TAF1D: variants seen among roughly 807,000 people sequenced by gnomAD.
TAF1D encodes TATA-box binding protein associated factor, RNA polymerase I subunit D, also known as TATA box-binding protein-associated factor RNA polymerase I subunit D.
A neutral mutation model predicts 26.2 loss-of-function variants in TAF1D; 23 were observed. The ratio of observed to expected loss-of-function variants is 0.88; its 90% CI spans 0.63 to 1.25. The LOEUF is 1.25. Among genes scored for constraint, TAF1D ranks in the 50% most tolerant of loss-of-function variants. The pLI, the probability that TAF1D is intolerant of heterozygous loss-of-function variation, is 0.00. For synonymous variants in TAF1D, 100 were observed against 105.6 expected (o/e 0.95, Z 0.33); for missense variants, 299 against 322.0 (o/e 0.93, Z 0.55).
At position 93,737,068 on chromosome 11, in the gene TAF1D, ACTC is replaced by A. The variant is rs776395726; in HGVS notation, c.628_630del (p.Glu210del). The A allele has an allele frequency of 2.4e-5, 38 of 1,586,774 alleles. 1 individual carries two copies. Among genetic ancestry groups the A allele is most frequent in the East Asian group, 1.1e-4 (5 of 44,458 alleles). ...ATTTCATATGATTCCACTTACGTTG[ACTC>A]CTCAATAGGAGAAATGGATCCATCA... is the stretch of plus-strand genomic sequence containing the variant. On this transcript the variant is annotated inframe_deletion, in exon 4 of 6. Transcript: ENST00000448108.
In TAF1D at chr11:93,736,082, C is replaced by T; in HGVS notation, c.*79G>A. 6.3e-7 allele frequency: 1 copy of T among 1,590,284 alleles called. No individual in the cohort carries two copies. Among genetic ancestry groups the T allele is most frequent in the Non-Finnish European group, 8.5e-7 (1 of 1,173,272 alleles). ...GAATTTCTTCACCACCAGACTGGTA[C>T]ATATATCCACATTTATCTTTATTCA... On this transcript the variant is annotated 3_prime_UTR_variant, in exon 6 of 6. Coordinates refer to ENST00000448108, the MANE Select transcript of TAF1D (RefSeq NM_024116.4).
At chr11:93,741,093 C>A in intron 1 of TAF1D, among the ~76,000 whole-genome samples, 1 of 152,326 alleles carries the variant, frequency 6.6e-6, no homozygotes, top group East Asian at 1.9e-4. Flanking sequence ...CGATTTAACA[C>A]CTCCATCTCA....
downstream of TAF1D, chr11:93,734,009 T>A (rs1825956292): frequency 6.6e-6 from 1 of 152,286 alleles, no homozygotes; most frequent in Non-Finnish European, 1.5e-5. Context: ...TAACATCAAG[T>A]AGCTCCTTTA....
At chr11:93,741,281 G>A (rs907494630) in intron 1 of TAF1D, 41 bp downstream of exon 1, 1 of 455,428 alleles carries the variant, frequency 2.2e-6, no homozygotes, top group Non-Finnish European at 4.4e-6. Flanking sequence ...CGCCTCCCCC[G>A]CCCGCCAGGC....
At position 93,736,122 on chromosome 11, in the gene TAF1D, T is replaced by C; in HGVS notation, c.*39A>G. The stretch of plus-strand genomic sequence containing the variant: ...ATCTTTATTCATTTCTATGAAGTCG[T>C]TTTTTCTATATGCTTCACCTTTGAC... On this transcript the variant is annotated 3_prime_UTR_variant, in exon 6 of 6. Coordinates refer to ENST00000448108, the MANE Select transcript of TAF1D (RefSeq NM_024116.4). 1 of 1,609,980 alleles carries C rather than the reference T, an allele frequency of 6.2e-7. No homozygotes were observed. Among genetic ancestry groups the C allele is most frequent in the Non-Finnish European group, 8.5e-7 (1 of 1,178,930 alleles).
In TAF1D at chr11:93,736,223, C is replaced by G. The variant is rs761036137; in HGVS notation, c.775G>C (p.Ala259Pro). The change falls in exon 6 of 6, where the codon GCT (alanine) becomes CCT (proline). Residue 259 changes from alanine to proline, a missense_variant. Physicochemically the swap from Ala to Pro is conservative, Grantham distance 27. Transcript: ENST00000448108. ...LEEEDITEEA[A>P]LSKKRATKAK... ...TTTGTAGCTCTCTTTTTAGACAAAG[C>G]AGCTTCTTCAGTAATATCCTCTTCT... 19 of 1,613,466 alleles carry G rather than the reference C, an allele frequency of 1.2e-5. No homozygotes were observed. Among genetic ancestry groups the G allele is most frequent in the Non-Finnish European group, 1.5e-5 (18 of 1,179,812 alleles).
At position 93,736,228 on chromosome 11, in the gene TAF1D, T is replaced by G. The variant is rs1940716950; in HGVS notation, c.770A>C (p.Glu257Ala). ...VYLEEEDITEEAALSKKRATK... is the reference protein window; with the variant it reads ...VYLEEEDITEAAALSKKRATK... ...AGCTCTCTTTTTAGACAAAGCAGCT[T>G]CTTCAGTAATATCCTCTTCTTCTAA... Residue 257 changes from glutamate (E) to alanine (A), a missense_variant, in exon 6 of 6, where the codon GAA becomes GCA. Physicochemically the swap from Glu to Ala is moderately radical, Grantham distance 107. Transcript: ENST00000448108. 4 of 1,613,534 alleles carry G rather than the reference T, an allele frequency of 2.5e-6. No homozygotes were observed. Among genetic ancestry groups the G allele is most frequent in the Non-Finnish European group, 3.4e-6 (4 of 1,179,842 alleles).
chr11:93,730,297 T>A (rs1427252113), exon 12 of TAF1D: 5 of 1,438,008 alleles, frequency 3.5e-6, no homozygotes, highest in African/African-American at 2.8e-5. Context: ...AAAGGTTTTT[T>A]AATTGTGTAT....
At chr11:93,736,939 T>C (rs2135499911) in intron 4 of TAF1D, 125 bp downstream of exon 4, 1 of 1,095,752 alleles carries the variant, frequency 9.1e-7, no homozygotes, top group Non-Finnish European at 1.3e-6. Flanking sequence ...ATAATCCCAA[T>C]TGTCATACTC....
Position 93,736,201 on chromosome 11 carries a change from G to A in TAF1D, c.797C>T (p.Thr266Ile), listed in dbSNP as rs1940715773. ...TCTCTGTCCAGTATTTTTGGCTTTT[G>A]TAGCTCTCTTTTTAGACAAAGCAGC... ...EEAALSKKRA[T>I]KAKNTGQRGL... Residue 266 changes from threonine (T) to isoleucine (I), a missense_variant, in exon 6 of 6, where the codon ACA becomes ATA. Transcript: ENST00000448108. 1 of 1,606,664 alleles carries A rather than the reference G, an allele frequency of 6.2e-7. No homozygotes were observed. Among genetic ancestry groups the A allele is most frequent in the South Asian group, 1.1e-5 (1 of 90,882 alleles).
At chr11:93,732,380 C>T (rs1939344559), downstream of TAF1D, 1 of 518,756 alleles carries the variant, frequency 1.9e-6, no homozygotes, top group Admixed American at 1.9e-5. Context: ...AGTAGAAATA[C>T]CAGGTTTAAC....
intron 5 of TAF1D, 126 bp from the exon 6 acceptor site, chr11:93,736,430 A>G: frequency 1.4e-6 from 2 of 1,423,900 alleles, no homozygotes; most frequent in Non-Finnish European, 9.1e-7. Flanking sequence ...TAAAAATCCA[A>G]ATTAACATTG....
At chr11:93,732,129 A>C, downstream of TAF1D, 1 of 518,472 alleles carries the variant, frequency 1.9e-6, no homozygotes, top group South Asian at 1.4e-5. Context: ...CTCTAGAATG[A>C]GGCATTGTAA....
Position 93,738,353 on chromosome 11 carries a change from G to A in TAF1D, c.215C>T (p.Pro72Leu), listed in dbSNP as rs1941185243. The A allele has an allele frequency of 6.2e-7, 1 of 1,613,472 alleles. No individual in the cohort carries two copies. Among genetic ancestry groups the A allele is most frequent in the Non-Finnish European group, 8.5e-7 (1 of 1,179,866 alleles). The change falls in exon 3 of 6, where the codon CCA (proline) becomes CTA (leucine). Residue 72 changes from proline (P) to leucine (L), a missense_variant. Physicochemically the swap from Pro to Leu is moderately conservative, Grantham distance 98. Coordinates refer to ENST00000448108, the MANE Select transcript of TAF1D (RefSeq NM_024116.4). ...AATAGCTTTTATAGTCAATGGTATT[G>A]GTTCAAAAGATGAGTCACTTGATGA... ...SDSSSDSSFE[P>L]IPLTIKAIFE...
downstream of TAF1D, chr11:93,731,276 C>T (rs1938668501): frequency 2.9e-6 from 1 of 342,486 alleles, no homozygotes; most frequent in Non-Finnish European, 5.7e-6. Context: ...ATCTATCTTT[C>T]AAGAATGAGG....
At chr11:93,738,570 A>C in intron 2 of TAF1D, 71 bp from the exon 3 acceptor site, 1 of 1,423,188 alleles carries the variant, frequency 7.0e-7, no homozygotes, top group South Asian at 1.5e-5. Flanking sequence ...ACCCAGTCCT[A>C]AATGTACATT....
chr11:93,734,687 A>G (rs1285703521), downstream of TAF1D: 1 of 1,271,640 alleles, frequency 7.9e-7, no homozygotes, highest in African/African-American at 1.5e-5. Flanking sequence ...CATTGTGTAT[A>G]TCATCAACAT....
Position 93,735,767 on chromosome 11 carries a change from T to C in TAF1D, c.*394A>G, listed in dbSNP as rs1940636218. On this transcript the variant is annotated 3_prime_UTR_variant, in exon 6 of 6. Coordinates refer to ENST00000448108, the MANE Select transcript of TAF1D (RefSeq NM_024116.4). The stretch of plus-strand genomic sequence containing the variant: ...GTCACTTGTCATGGCTGAACAAAGC[T>C]GGGATAAAATTACAGCATTTCAAAT... The C allele has an allele frequency of 2.9e-6, 3 of 1,051,138 alleles. No individual in the cohort carries two copies. Among genetic ancestry groups the C allele is most frequent in the Non-Finnish European group, 3.4e-6 (3 of 871,288 alleles). The allele number at this position is 1,051,138 out of a possible 1,614,324, so 65.1% of individuals were successfully genotyped here.
chr11:93,734,731 T>G (rs980575715), downstream of TAF1D: 13 of 1,286,204 alleles, frequency 1.0e-5, 1 homozygote, highest in Middle Eastern at 3.2e-4. Flanking sequence ...CTGCTGAGGA[T>G]TTCCCTCATA....
Sources: allele counts gnomAD v4.1 joint callset (sites outside exome capture counted in the v4.1 genomes callset), GRCh38; gene constraint gnomAD v4.1.1; transcripts MANE v1.5; gene names NCBI Gene and HGNC (gene_info 2026-07-23, HGNC 2026-07-21).